Variants in RIT2 observed in about 807,000 individuals in gnomAD.
The protein encoded by RIT2 is Ras like without CAAX 2.
Under a neutral mutation model 23.7 loss-of-function variants are expected in RIT2, and 24 were observed. The observed-to-expected ratio is 1.01, with a 90% CI of 0.73 to 1.43. The LOEUF is 1.43. Among genes scored for constraint, RIT2 ranks in the 40% most tolerant of loss-of-function variants. RIT2 has a pLI of 0.00. For missense variants in RIT2, 236 were observed against 266.9 expected (o/e 0.88, Z 0.81); for synonymous variants, 107 against 91.1 (o/e 1.17, Z -0.99).
At chr18:42,805,057 G>A (rs1290640592) in intron 4 of RIT2, among the ~76,000 whole-genome samples, 1 of 152,066 alleles carries the variant, frequency 6.6e-6, no homozygotes, top group African/African-American at 2.4e-5. Context: ...TAAGACTAAA[G>A]ACCAAGATTC....
rs552992893 is a variant in RIT2 at position 43,035,945 on chromosome 18, T to A, written c.104-2078A>T. Among the ~76,000 whole-genome samples the A allele has an allele frequency of 2.6e-5, 4 of 152,326 alleles. No individual in the cohort carries two copies. The South Asian group carries it at 8.3e-4, about 32-fold the overall frequency. The stretch of plus-strand genomic sequence containing the variant: ...TTAACAATGTTAAGAATGATTGATA[T>A]CGCTACTCAAATGTCACACCATTCT... On this transcript the variant is annotated intron_variant, in intron 1 of 4. Transcript: ENST00000326695.
intron 3 of RIT2, among the ~76,000 whole-genome samples, chr18:42,962,801 A>C (rs1186646742): frequency 6.6e-6 from 1 of 152,178 alleles, no homozygotes; most frequent in Admixed American, 6.5e-5. Flanking sequence ...TTTCATTTGC[A>C]TTAAATAGAA....
intron 4 of RIT2, among the ~76,000 whole-genome samples, chr18:42,800,947 C>T (rs187995571): frequency 6.6e-6 from 1 of 152,250 alleles, no homozygotes; most frequent in Admixed American, 6.5e-5. Flanking sequence ...GTTAATTTTG[C>T]ATGCATTCCC....
intron 3 of RIT2, among the ~76,000 whole-genome samples, chr18:42,964,448 C>T (rs746014057): frequency 1.3e-5 from 2 of 152,022 alleles, no homozygotes; most frequent in Non-Finnish European, 2.9e-5. Context: ...AAAATTACAC[C>T]ATGGCAATGT....
chr18:42,852,234 A>G lies in RIT2; in HGVS notation c.426+71338T>C, dbSNP rs963667958. Among the ~76,000 whole-genome samples the G allele has an allele frequency of 4.6e-5, 7 of 152,246 alleles. 1 individual carries two copies. The South Asian group carries it at 1.4e-3, about 31-fold the overall frequency. ...TTCTCTCTCATTTTTAGTTTAATAC[A>G]TTTAGATGAATTAATCAGGTTCTTT... is the stretch of plus-strand genomic sequence containing the variant. On this transcript the variant is annotated intron_variant, in intron 4 of 4. Coordinates refer to ENST00000326695, the MANE Select transcript of RIT2 (RefSeq NM_002930.4).
chr18:42,961,611 T>C (rs1910095133), intron 3 of RIT2, among the ~76,000 whole-genome samples: 2 of 152,142 alleles, frequency 1.3e-5, no homozygotes, highest in Non-Finnish European at 2.9e-5. Context: ...GCTGTGTAGG[T>C]GTAAAATAAT....
At chr18:42,884,187 G>A (rs562484275) in intron 4 of RIT2, among the ~76,000 whole-genome samples, 1 of 152,314 alleles carries the variant, frequency 6.6e-6, no homozygotes, top group South Asian at 2.1e-4. Context: ...GAACTAAGCA[G>A]TCTCTCCCAG....
chr18:43,079,113 C>T lies in RIT2; in HGVS notation c.103+36304G>A, dbSNP rs76661694. Among the ~76,000 whole-genome samples the T allele has an allele frequency of 2.0e-3, 307 of 152,240 alleles. 1 individual carries two copies. Among genetic ancestry groups the T allele is most frequent in the African/African-American group, 6.5e-3 (270 of 41,536 alleles). On this transcript the variant is annotated intron_variant, in intron 1 of 4. Transcript: ENST00000326695. ...CAATTGCTCTATAAATATTGTTCAA[C>T]GTAGTAGCAAAATAATTTATAGAAA...
At chr18:42,759,223 A>T (rs914285113) in intron 4 of RIT2, among the ~76,000 whole-genome samples, 4 of 152,130 alleles carry the variant, frequency 2.6e-5, no homozygotes, top group African/African-American at 9.7e-5. Flanking sequence ...CATCTCTGTT[A>T]ATGACTGTCT....
chr18:43,065,911 T>G (rs1568071935), intron 1 of RIT2, among the ~76,000 whole-genome samples: 1 of 152,152 alleles, frequency 6.6e-6, no homozygotes, highest in Non-Finnish European at 1.5e-5. Flanking sequence ...AAAAAACACA[T>G]GGTGAGGGTC....
At chr18:42,965,421 A>T (rs1480115777) in intron 3 of RIT2, among the ~76,000 whole-genome samples, 4 of 152,114 alleles carry the variant, frequency 2.6e-5, no homozygotes, top group Non-Finnish European at 5.9e-5. Context: ...TTCATGATAC[A>T]ACTGTACCGT....
intron 4 of RIT2, among the ~76,000 whole-genome samples, chr18:42,863,198 G>A (rs1335473651): frequency 6.6e-6 from 1 of 152,072 alleles, no homozygotes; most frequent in Non-Finnish European, 1.5e-5. Flanking sequence ...TGTTATGCCA[G>A]CAAAATAAAT....
intron 4 of RIT2, among the ~76,000 whole-genome samples, chr18:42,831,532 A>T (rs1353601744): frequency 3.9e-5 from 6 of 152,132 alleles, no homozygotes; most frequent in African/African-American, 1.4e-4. Flanking sequence ...ATCAAAACAC[A>T]GATAGGGGTG....
chr18:42,807,983 G>A (rs752317722), intron 4 of RIT2, among the ~76,000 whole-genome samples: 48 of 152,226 alleles, frequency 3.2e-4, no homozygotes, highest in Non-Finnish European at 5.9e-4. Context: ...CCTGGCATAT[G>A]TGGATGATGT....
At chr18:42,982,075 A>G (rs1910610582) in intron 2 of RIT2, among the ~76,000 whole-genome samples, 1 of 152,188 alleles carries the variant, frequency 6.6e-6, no homozygotes, top group African/African-American at 2.4e-5. Flanking sequence ...TATTTCACAA[A>G]TGCAGATGTA....
intron 1 of RIT2, among the ~76,000 whole-genome samples, chr18:43,094,590 T>C (rs538401695): frequency 6.6e-6 from 1 of 152,146 alleles, no homozygotes; most frequent in South Asian, 2.1e-4. Context: ...AATTTGTTTG[T>C]AGAAAGACTT....
In RIT2 at chr18:42,935,993, T is replaced by C. The variant is rs149814207; in HGVS notation, c.235-12230A>G. Reference sequence around the variant, plus strand: ...CGGGCAATCCAAGGCAGTTTCCTTTTACATCCGAGATACAGTGCGAAAGGG... The same window carrying C: ...CGGGCAATCCAAGGCAGTTTCCTTTCACATCCGAGATACAGTGCGAAAGGG... On this transcript the variant is annotated intron_variant, in intron 3 of 4. Coordinates refer to ENST00000326695, the MANE Select transcript of RIT2 (RefSeq NM_002930.4). Among the ~76,000 whole-genome samples the C allele has an allele frequency of 6.5e-3, 988 of 151,766 alleles. 5 individuals are homozygous for C. The highest frequency in any genetic ancestry group is 0.022 in the African/African-American group (915 of 41,394).
chr18:43,027,937 C>T (rs1296883605), intron 2 of RIT2, among the ~76,000 whole-genome samples: 1 of 152,048 alleles, frequency 6.6e-6, no homozygotes, highest in African/African-American at 2.4e-5. Context: ...ACTGAAGTTG[C>T]TCATGCATTC....
At position 43,095,130 on chromosome 18, in the gene RIT2, T is replaced by G. The variant is rs893877972; in HGVS notation, c.103+20287A>C. 4.3e-4 allele frequency among the ~76,000 whole-genome samples: 65 copies of G among 152,130 alleles called. 3 individuals are homozygous for G. On this transcript the variant is annotated intron_variant, in intron 1 of 4. Coordinates refer to ENST00000326695, the MANE Select transcript of RIT2 (RefSeq NM_002930.4). ...TTTCTAGTTCTAGATCCTTGAGGAA[T>G]AGCCACACTGTCCTCCACAATGGTT...
Sources: gnomAD v4.1 joint callset for allele counts (sites outside exome capture counted in the v4.1 genomes callset) on GRCh38, gnomAD v4.1.1 for gene constraint, MANE v1.5 for transcripts, NCBI Gene and HGNC (gene_info 2026-07-23, HGNC 2026-07-21) for gene names.